DCUN1D1: variants seen among roughly 807,000 people sequenced by gnomAD.
DCUN1D1 encodes the protein DCN1-like protein 1.
DCUN1D1 carries 3 observed loss-of-function variants against 39.0 expected under a neutral mutation model. The observed-to-expected ratio is 0.08, with a 90% confidence interval of 0.04 to 0.20. DCUN1D1 has a LOEUF of 0.20. DCUN1D1 is among the 10% of genes least tolerant of loss of function. DCUN1D1 has a pLI of 1.00. For missense variants in DCUN1D1, 158 were observed against 302.4 expected, an observed-to-expected ratio of 0.52 and a Z score of 3.54; for synonymous variants, 82 against 96.3, an observed-to-expected ratio of 0.85 and a Z score of 0.87.
chr3:182,961,728 T>TAG (rs1727407609), intron 3 of DCUN1D1, among the ~76,000 whole-genome samples: 1 of 152,192 alleles, frequency 6.6e-6, no homozygotes, highest in African/African-American at 2.4e-5. Context: ...GACACAGTAA[T>TAG]TAATCGCGTC....
upstream of DCUN1D1, among the ~76,000 whole-genome samples, chr3:182,981,425 A>C (rs2108411458): frequency 6.6e-6 from 1 of 152,350 alleles, no homozygotes; most frequent in African/African-American, 2.4e-5. Flanking sequence ...GAGCACTAGG[A>C]TTCTGAGCTG....
intron 4 of DCUN1D1, among the ~76,000 whole-genome samples, chr3:182,954,087 T>G (rs1726903041): frequency 6.6e-6 from 1 of 152,200 alleles, no homozygotes; most frequent in Non-Finnish European, 1.5e-5. Flanking sequence ...TCTCAACAAA[T>G]TTTATAACAA....
chr3:182,980,896 G>A (rs1200362392), upstream of DCUN1D1: 1 of 151,646 alleles, frequency 6.6e-6, no homozygotes, highest in African/African-American at 2.4e-5. Context: ...GCTGGAAGCG[G>A]GCACGAGCGG....
chr3:182,961,345 A>G lies in DCUN1D1; in HGVS notation c.401T>C (p.Ile134Thr), dbSNP rs1727382854. 5.0e-6 allele frequency: 8 copies of G among 1,597,748 alleles called. No homozygotes were observed. The highest frequency in any genetic ancestry group is 1.2e-5 in the South Asian group (1 of 86,744). ...GGGTATCTGGGCCTTTAGTTTTTCT[A>G]TGCTGTCACATCTGCGTCGTAAAAT... is the stretch of plus-strand genomic sequence containing the variant. Reference protein sequence around the residue: ...DGMTELGCDSIEKLKAQIPKM... With the variant: ...DGMTELGCDSTEKLKAQIPKM... The change falls in exon 4 of 7, where the codon ATA becomes ACA. Residue 134 changes from isoleucine to threonine, a missense_variant. Ile to Thr is a moderately conservative substitution (Grantham distance 89). Coordinates refer to ENST00000292782, the MANE Select transcript of DCUN1D1 (RefSeq NM_020640.4).
At chr3:182,966,492 C>A (rs948664685) in intron 1 of DCUN1D1, among the ~76,000 whole-genome samples, 1 of 152,134 alleles carries the variant, frequency 6.6e-6, no homozygotes, top group African/African-American at 2.4e-5. Context: ...TCTCTCCAAA[C>A]AGCCCTTCTA....
chr3:182,982,684 C>G (rs1312581579), upstream of DCUN1D1, among the ~76,000 whole-genome samples: 1 of 151,938 alleles, frequency 6.6e-6, no homozygotes, highest in Non-Finnish European at 1.5e-5. Flanking sequence ...GTTCTGTCAC[C>G]CAGGCTGGAG....
chr3:182,955,288 AATC>A (rs1464252976), intron 4 of DCUN1D1: 6 of 542,924 alleles, frequency 1.1e-5, no homozygotes, highest in Non-Finnish European at 1.9e-5. Flanking sequence ...TCAAAATCCA[AATC>A]ATCATCACTT....
upstream of DCUN1D1, among the ~76,000 whole-genome samples, chr3:182,981,124 C>G (rs1577210037): frequency 6.6e-6 from 1 of 152,200 alleles, no homozygotes; most frequent in East Asian, 1.9e-4. Context: ...AGTCCCCCCC[C>G]TGCGGTGGCT....
intron 6 of DCUN1D1, 71 bp from the exon 7 acceptor site, chr3:182,945,244 G>T: frequency 8.3e-7 from 1 of 1,204,926 alleles, no homozygotes; most frequent in Non-Finnish European, 1.2e-6. Flanking sequence ...CATTTTAGTA[G>T]AATCCTTTTT....
intron 1 of DCUN1D1, among the ~76,000 whole-genome samples, chr3:182,979,212 T>C (rs892120927): frequency 1.3e-5 from 2 of 152,160 alleles, no homozygotes; most frequent in Middle Eastern, 3.2e-3. Context: ...CCTACACAAC[T>C]TGCCACAGAA....
At chr3:182,967,867 T>C (rs1418058246) in intron 1 of DCUN1D1, among the ~76,000 whole-genome samples, 1 of 152,264 alleles carries the variant, frequency 6.6e-6, no homozygotes, top group African/African-American at 2.4e-5. Flanking sequence ...ATTCCAACTT[T>C]TGTTACTGAA....
intron 4 of DCUN1D1, among the ~76,000 whole-genome samples, chr3:182,948,883 AC>A (rs1186620458): frequency 6.6e-6 from 1 of 151,870 alleles, no homozygotes; most frequent in African/African-American, 2.4e-5. Flanking sequence ...CCCCATCGCT[AC>A]TAAAAACACA....
At position 182,969,083 on chromosome 3, in the gene DCUN1D1, A is replaced by G. The variant is rs560122270; in HGVS notation, c.4-3330T>C. Among the ~76,000 whole-genome samples, 4 of 152,264 alleles carry G rather than the reference A, an allele frequency of 2.6e-5. No homozygotes were observed. The South Asian group carries it at 8.3e-4, about 32-fold the overall frequency. ...AAGTGATATTGACAATCCCATTCCT[A>G]TAAAGTCTGATAAGTACCCTCCACT... On this transcript the variant is annotated intron_variant, in intron 1 of 6. Coordinates refer to ENST00000292782, the MANE Select transcript of DCUN1D1 (RefSeq NM_020640.4).
rs569194851 is a variant in DCUN1D1, at chr3:182,942,712, A to T, written c.*2382T>A. 1 of 152,252 alleles carries T rather than the reference A, an allele frequency of 6.6e-6. No homozygotes were observed. Among genetic ancestry groups the T allele is most frequent in the East Asian group, 1.9e-4 (1 of 5,180 alleles). The allele number at this position is 152,252 out of a possible 1,614,324, so 9.4% of individuals were successfully genotyped here. On this transcript the variant is annotated 3_prime_UTR_variant, in exon 7 of 7. Coordinates refer to ENST00000292782, the MANE Select transcript of DCUN1D1 (RefSeq NM_020640.4). Reference sequence around the variant, plus strand: ...GTGTGTGTCTCTCCCTTTCTCTGTCAATCTCTCTCACTCTCTCTGGCTCTC... The same window carrying T: ...GTGTGTGTCTCTCCCTTTCTCTGTCTATCTCTCTCACTCTCTCTGGCTCTC...
chr3:182,962,926 A>T (rs931031143), intron 3 of DCUN1D1, among the ~76,000 whole-genome samples: 28 of 152,220 alleles, frequency 1.8e-4, no homozygotes, highest in Admixed American at 4.6e-4. Context: ...GATTACAGGC[A>T]TGTGCCACTA....
chr3:182,949,442 G>A (rs1726591811), intron 4 of DCUN1D1, among the ~76,000 whole-genome samples: 2 of 152,148 alleles, frequency 1.3e-5, no homozygotes, highest in Admixed American at 1.3e-4. Flanking sequence ...ATTATAGGCT[G>A]CATGCAGTGG....
At chr3:182,985,249 G>A (rs2108416370), upstream of DCUN1D1, among the ~76,000 whole-genome samples, 1 of 152,312 alleles carries the variant, frequency 6.6e-6, no homozygotes, top group East Asian at 1.9e-4. Context: ...GTGGAGGCTA[G>A]AAGCAGAAGA....
chr3:182,984,183 C>T (rs1728653019), upstream of DCUN1D1, among the ~76,000 whole-genome samples: 1 of 152,142 alleles, frequency 6.6e-6, no homozygotes, highest in African/African-American at 2.4e-5. Flanking sequence ...GCTTGTTCTC[C>T]TTGGCAGATG....
chr3:182,947,340 T>TA lies in DCUN1D1; in HGVS notation c.604-7dup. The stretch of plus-strand genomic sequence containing the variant: ...ATTGATCGTTTATGATGTTCCTATT[T>TA]AAAAAACAAAAACAAAATACATTTG... On this transcript the variant is annotated splice_region_variant and splice_polypyrimidine_tract_variant and intron_variant, in intron 5 of 6. Transcript: ENST00000292782. 6.4e-7 allele frequency: 1 copy of TA among 1,572,038 alleles called. No individual in the cohort carries two copies. Among genetic ancestry groups the TA allele is most frequent in the East Asian group, 2.3e-5 (1 of 44,438 alleles).
Sources: gnomAD v4.1 joint callset for allele counts (sites outside exome capture counted in the v4.1 genomes callset) on GRCh38, gnomAD v4.1.1 for gene constraint, MANE v1.5 for transcripts, NCBI Gene and HGNC (gene_info 2026-07-23, HGNC 2026-07-21) for gene names.